The following LINGO1 variants were observed in gnomAD, a reference collection of about 807,000 sequenced individuals.
LINGO1 encodes the protein leucine-rich repeat and immunoglobulin-like domain-containing nogo receptor-interacting protein 1.
In LINGO1, 11 loss-of-function variants were observed where a neutral mutation model predicts 37.3. That is an observed-to-expected ratio of 0.29 (90% CI 0.19 to 0.49). The LOEUF (loss-of-function observed/expected upper bound fraction) is 0.49, where lower values mean the gene tolerates loss of function less well. Ranked by LOEUF, LINGO1 falls within the 20% of genes least tolerant of loss-of-function variation. LINGO1 has a pLI of 0.99. For synonymous variants in LINGO1, 387 were observed against 403.0 expected, an observed-to-expected ratio of 0.96 and a Z score of 0.48; for missense variants, 585 against 878.2, an observed-to-expected ratio of 0.67 and a Z score of 4.22.
At chr15:77,621,154 A>C (rs2073906190) in intron 1 of LINGO1, among the ~76,000 whole-genome samples, 1 of 151,676 alleles carries the variant, frequency 6.6e-6, no homozygotes. Flanking sequence ...TCCCAGGTTC[A>C]AGTGATTTTC....
chr15:77,806,915 G>T (rs1317660555), intron 1 of LINGO1, among the ~76,000 whole-genome samples: 2 of 152,086 alleles, frequency 1.3e-5, no homozygotes, highest in African/African-American at 4.8e-5. Context: ...CTGCATGAGT[G>T]TCCTGCTTGG....
intron 1 of LINGO1, among the ~76,000 whole-genome samples, chr15:77,813,607 C>T (rs1567598029): frequency 6.6e-6 from 1 of 152,236 alleles, no homozygotes; most frequent in Admixed American, 6.5e-5. Context: ...CCAGAACAGC[C>T]AGGCCCAGAG....
chr15:77,716,795 T>G (rs1374045466), intron 2 of LINGO1, among the ~76,000 whole-genome samples: 1 of 150,164 alleles, frequency 6.7e-6, no homozygotes, highest in African/African-American at 2.4e-5. Context: ...TAAGATCCCT[T>G]TGTAATGGTG....
chr15:77,731,703 C>A (rs1457672251), intron 2 of LINGO1, among the ~76,000 whole-genome samples: 1 of 152,132 alleles, frequency 6.6e-6, no homozygotes, highest in Non-Finnish European at 1.5e-5. Flanking sequence ...CTCTCTGTGC[C>A]CCATGAAAGC....
At chr15:77,726,485 C>T (rs773389904) in intron 2 of LINGO1, among the ~76,000 whole-genome samples, 3 of 152,246 alleles carry the variant, frequency 2.0e-5, no homozygotes, top group Non-Finnish European at 2.9e-5. Context: ...AGACCCTGCA[C>T]AAGAAAGAAT....
intron 2 of LINGO1, among the ~76,000 whole-genome samples, chr15:77,679,472 C>T (rs1441285929): frequency 6.6e-6 from 1 of 152,100 alleles, no homozygotes; most frequent in Non-Finnish European, 1.5e-5. Context: ...CTAACATTTA[C>T]AGAGCCCTTA....
chr15:77,728,981 G>T (rs995243608), intron 2 of LINGO1, among the ~76,000 whole-genome samples: 19 of 152,366 alleles, frequency 1.2e-4, no homozygotes, highest in African/African-American at 4.1e-4. Flanking sequence ...GTCTGGACTT[G>T]GCCAAGTATT....
intron 1 of LINGO1, among the ~76,000 whole-genome samples, chr15:77,810,414 T>C (rs1218187249): frequency 2.0e-5 from 3 of 152,022 alleles, no homozygotes; most frequent in Non-Finnish European, 2.9e-5. Flanking sequence ...CAGACTCTAA[T>C]AGGGGAATCC....
At chr15:77,786,590 G>A (rs566613123) in intron 1 of LINGO1, among the ~76,000 whole-genome samples, 84 of 152,342 alleles carry the variant, frequency 5.5e-4, no homozygotes, top group Non-Finnish European at 9.7e-4. Flanking sequence ...GCCATGCAGA[G>A]GAGGGAGGGG....
chr15:77,810,227 TACACAC>T (rs59680666), intron 1 of LINGO1, among the ~76,000 whole-genome samples: 10 of 143,198 alleles, frequency 7.0e-5, no homozygotes, highest in South Asian at 2.3e-4. Context: ...CACACAAACA[TACACAC>T]ACACACACAC....
At chr15:77,678,858 A>ATATG (rs1281119400) in intron 2 of LINGO1, among the ~76,000 whole-genome samples, 18 of 152,182 alleles carry the variant, frequency 1.2e-4, no homozygotes, top group African/African-American at 4.3e-4. Context: ...CAGTGTAATG[A>ATATG]TATGTAGTGG....
At chr15:77,664,170 T>TGTGTGAGC in intron 3 of LINGO1, among the ~76,000 whole-genome samples, 2 of 130,946 alleles carry the variant, frequency 1.5e-5, no homozygotes, top group Non-Finnish European at 3.1e-5. Context: ...TGTGTGTGTG[T>TGTGTGAGC]GCGCGCGCGC....
At chr15:77,796,303 C>T (rs555083100) in intron 1 of LINGO1, among the ~76,000 whole-genome samples, 10 of 152,030 alleles carry the variant, frequency 6.6e-5, no homozygotes, top group Admixed American at 3.3e-4. Context: ...CATGTGCGTG[C>T]GGGCGTGCAC....
intron 1 of LINGO1, among the ~76,000 whole-genome samples, chr15:77,629,780 C>G (rs939051708): frequency 1.3e-5 from 2 of 152,120 alleles, no homozygotes; most frequent in Admixed American, 6.5e-5. Flanking sequence ...AGCCCAGAGC[C>G]GAGCAGGCAG....
intron 2 of LINGO1, among the ~76,000 whole-genome samples, chr15:77,711,604 C>G (rs547951500): frequency 1.3e-5 from 2 of 152,366 alleles, no homozygotes; most frequent in African/African-American, 4.8e-5. Flanking sequence ...GGTTCCCTAT[C>G]TGTAAACAGG....
chr15:77,810,227 TACACACACAC>T (rs59680666), intron 1 of LINGO1, among the ~76,000 whole-genome samples: 7 of 143,120 alleles, frequency 4.9e-5, no homozygotes, highest in Admixed American at 1.4e-4. Context: ...CACACAAACA[TACACACACAC>T]ACACACACAC....
chr15:77,679,159 C>T (rs2075374443), intron 2 of LINGO1, among the ~76,000 whole-genome samples: 1 of 152,170 alleles, frequency 6.6e-6, no homozygotes, highest in South Asian at 2.1e-4. Context: ...CGTCGGCCTC[C>T]CAAAATGCTG....
upstream of LINGO1, among the ~76,000 whole-genome samples, chr15:77,699,263 G>A (rs56945074): frequency 4.6e-3 from 210 of 45,534 alleles, no homozygotes; most frequent in African/African-American, 0.017. Context: ...AGGAAAGCAC[G>A]AGCCCAGACC....
intron 1 of LINGO1, among the ~76,000 whole-genome samples, chr15:77,809,925 G>A (rs1466087559): frequency 6.6e-6 from 1 of 152,124 alleles, no homozygotes; most frequent in African/African-American, 2.4e-5. Context: ...GGGTCTGGTG[G>A]CGCTGCAGGG....
Sources: gnomAD v4.1 joint callset for allele counts (sites outside exome capture counted in the v4.1 genomes callset) on GRCh38, gnomAD v4.1.1 for gene constraint, MANE v1.5 for transcripts, NCBI Gene and HGNC (gene_info 2026-07-23, HGNC 2026-07-21) for gene names.